The following ENTPD6 variants were observed in gnomAD, a reference collection of about 807,000 sequenced individuals.
The protein encoded by ENTPD6 is CD39 antigen-like 2.
ENTPD6 carries 46 observed loss-of-function variants against 61.5 expected under a neutral mutation model. The ratio of observed to expected loss-of-function variants is 0.75; its 90% CI spans 0.59 to 0.96. The LOEUF (loss-of-function observed/expected upper bound fraction) is 0.96, where lower values mean the gene tolerates loss of function less well. ENTPD6 is among the 40% of genes least tolerant of loss of function. The pLI is 0.00. For missense variants in ENTPD6, 612 were observed against 629.0 expected (o/e 0.97, Z 0.29); for synonymous variants, 252 against 255.5 (o/e 0.99, Z 0.13).
intron 4 of ENTPD6, among the ~76,000 whole-genome samples, chr20:25,212,862 C>A (rs1185442920): frequency 2.6e-5 from 4 of 152,138 alleles, no homozygotes; most frequent in Admixed American, 2.6e-4. Context: ...CCCACCACCA[C>A]GCCCGGCTAA....
intron 7 of ENTPD6, 39 bp downstream of exon 7, chr20:25,215,750 G>A (rs2092276792): frequency 6.2e-7 from 1 of 1,608,562 alleles, no homozygotes; most frequent in Admixed American, 1.7e-5. Context: ...GCCGATCACA[G>A]ACACCTGCGG....
At chr20:25,216,592 G>A (rs577560558) in intron 7 of ENTPD6, 56 bp from the exon 8 acceptor site, 1 of 1,356,248 alleles carries the variant, frequency 7.4e-7, no homozygotes, top group Non-Finnish European at 1.0e-6. Flanking sequence ...TGGCTTTTCT[G>A]CTGTTCTCGC....
chr20:25,219,249 G>A (rs939860954), intron 10 of ENTPD6, among the ~76,000 whole-genome samples: 16 of 152,230 alleles, frequency 1.1e-4, no homozygotes, highest in Non-Finnish European at 2.1e-4. Context: ...GAGGGAACCA[G>A]GGAACTGCAC....
chr20:25,218,689 C>T (rs752271801), intron 10 of ENTPD6, 75 bp downstream of exon 10: 11 of 1,424,898 alleles, frequency 7.7e-6, no homozygotes, highest in Admixed American at 2.1e-5. Flanking sequence ...AGGAGCCCCT[C>T]GGGAGGGCAC....
At chr20:25,201,546 T>G (rs1489442705) in intron 1 of ENTPD6, among the ~76,000 whole-genome samples, 2 of 152,202 alleles carry the variant, frequency 1.3e-5, no homozygotes, top group Non-Finnish European at 2.9e-5. Context: ...GTTTTTGACT[T>G]AAAGTCTCTT....
chr20:25,218,749 G>C, intron 10 of ENTPD6, 135 bp downstream of exon 10: 3 of 904,612 alleles, frequency 3.3e-6, no homozygotes, highest in East Asian at 5.4e-5. Context: ...CCCCACTGCT[G>C]TCCCGCTGCA....
Position 25,213,975 on chromosome 20 carries a change from G to A in ENTPD6, c.597+569G>A, listed in dbSNP as rs76171326. 9.0e-3 allele frequency among the ~76,000 whole-genome samples: 1,370 copies of A among 152,302 alleles called. 14 individuals carry two copies. Among genetic ancestry groups the A allele is most frequent in the Non-Finnish European group, 0.015 (992 of 68,010 alleles). On this transcript the variant is annotated intron_variant, in intron 5 of 14. Coordinates refer to ENST00000376652, the MANE Select transcript of ENTPD6 (RefSeq NM_001247.5). Reference sequence around the variant, plus strand: ...AAAAAAATAAATAAAAGCGCATGGTGCCTTCAAGGGACTTGATCCTGGTCA... The same window carrying A: ...AAAAAAATAAATAAAAGCGCATGGTACCTTCAAGGGACTTGATCCTGGTCA...
chr20:25,221,430 A>T (rs772262445), intron 11 of ENTPD6, 97 bp downstream of exon 11: 1 of 921,240 alleles, frequency 1.1e-6, no homozygotes, highest in East Asian at 2.5e-5. Context: ...GTTCCACGGG[A>T]GGCTCCTGAC....
In ENTPD6 at chr20:25,225,877, A is replaced by AG; in HGVS notation, c.*285dup. The AG allele has an allele frequency of 2.7e-6, 1 of 364,766 alleles. No individual in the cohort carries two copies. Among genetic ancestry groups the AG allele is most frequent in the East Asian group, 4.9e-5 (1 of 20,566 alleles). 22.6% of individuals were successfully genotyped at this position (364,766 alleles called of 1,614,324 possible). ...AGGACAGAACCACAGGCACACACTG[A>AG]GGGGGCAGTGTGGCTCCCTGCCTGT... On this transcript the variant is annotated 3_prime_UTR_variant, in exon 15 of 15. Coordinates refer to ENST00000376652, the MANE Select transcript of ENTPD6 (RefSeq NM_001247.5).
chr20:25,223,052 G>T, intron 12 of ENTPD6, 74 bp downstream of exon 12: 1 of 1,526,224 alleles, frequency 6.6e-7, no homozygotes. Context: ...TGTGCTCCCC[G>T]AGGCAGAGGG....
chr20:25,218,573 C>T lies in ENTPD6; in HGVS notation c.902C>T (p.Ser301Leu), dbSNP rs1325669397. The change falls in exon 10 of 15, where the codon TCG becomes TTG. Residue 301 changes from serine to leucine, a missense_variant. By Grantham distance (145) the Ser-to-Leu change is moderately radical. Coordinates refer to ENST00000376652, the MANE Select transcript of ENTPD6 (RefSeq NM_001247.5). ...SYSYLGLGLM[S>L]ARLAILGGVE... ...AGCTACCTCGGGCTCGGGCTGATGTCGGCACGCCTGGCGATCCTGGGCGGC... is the reference window on the plus strand; with the variant it reads ...AGCTACCTCGGGCTCGGGCTGATGTTGGCACGCCTGGCGATCCTGGGCGGC... The T allele has an allele frequency of 2.5e-6, 4 of 1,608,112 alleles. No homozygotes were observed. Among genetic ancestry groups the T allele is most frequent in the Admixed American group, 1.7e-5 (1 of 59,584 alleles).
At chr20:25,208,757 T>A (rs1057361216) in intron 3 of ENTPD6, among the ~76,000 whole-genome samples, 7 of 152,222 alleles carry the variant, frequency 4.6e-5, no homozygotes, top group Non-Finnish European at 7.3e-5. Context: ...TAAATTCATT[T>A]CAGAATCAAG....
At chr20:25,211,336 T>C (rs2091945982) in intron 4 of ENTPD6, among the ~76,000 whole-genome samples, 1 of 152,230 alleles carries the variant, frequency 6.6e-6, no homozygotes, top group South Asian at 2.1e-4. Flanking sequence ...AATAAGCTCC[T>C]AGGATTTTTA....
intron 3 of ENTPD6, among the ~76,000 whole-genome samples, chr20:25,208,435 A>C (rs796254985): frequency 1.4e-4 from 22 of 152,248 alleles, no homozygotes; most frequent in African/African-American, 5.3e-4. Flanking sequence ...AACAAGAGTG[A>C]AACTTGATCT....
At chr20:25,213,146 G>A in intron 4 of ENTPD6, 117 bp from the exon 5 acceptor site, 1 of 1,187,540 alleles carries the variant, frequency 8.4e-7, no homozygotes, top group Non-Finnish European at 1.2e-6. Context: ...TCTAGCCTGG[G>A]CAACACAGTG....
At chr20:25,204,446 G>T (rs1446554708) in intron 1 of ENTPD6, among the ~76,000 whole-genome samples, 4 of 150,544 alleles carry the variant, frequency 2.7e-5, no homozygotes, top group African/African-American at 9.8e-5. Flanking sequence ...TGCCTTGTTG[G>T]CTCCATTAAA....
In ENTPD6 at chr20:25,221,270, C is replaced by G; in HGVS notation, c.982C>G (p.Pro328Ala). Reference sequence around the variant, plus strand: ...GGAGTTGGTCAGCCCTTGCTTGTCTCCCAGTTTCAAAGGAGAGTGGGAACA... The same window carrying G: ...GGAGTTGGTCAGCCCTTGCTTGTCTGCCAGTTTCAAAGGAGAGTGGGAACA... ...GKELVSPCLS[P>A]SFKGEWEHAE... Residue 328 changes from proline to alanine, a missense_variant, in exon 11 of 15, where the codon CCC (proline) becomes GCC (alanine). Transcript: ENST00000376652. 6.2e-7 allele frequency: 1 copy of G among 1,614,152 alleles called. No individual in the cohort carries two copies. The highest frequency in any genetic ancestry group is 1.7e-5 in the Admixed American group (1 of 60,022).
At chr20:25,205,302 C>T (rs889221845) in intron 1 of ENTPD6, among the ~76,000 whole-genome samples, 1 of 151,822 alleles carries the variant, frequency 6.6e-6, no homozygotes, top group Non-Finnish European at 1.5e-5. Flanking sequence ...TGGGGGCATC[C>T]GGGAAGGGGG....
At position 25,207,129 on chromosome 20, in the gene ENTPD6, G is replaced by T. The variant is rs1225569056; in HGVS notation, c.108G>T (p.Gly36=). ...GGATGAGAAAAATATCCAACCACGG[G>T]AGCCTGCGGGTGGCGAAGGTGGCAT... The part of the protein sequence containing the change: ...QTRMRKISNH[G]SLRVAKVAYP... The change falls in exon 3 of 15, where the codon GGG becomes GGT. Residue 36 remains glycine (G), a synonymous_variant. Coordinates refer to ENST00000376652, the MANE Select transcript of ENTPD6 (RefSeq NM_001247.5). 1 of 1,613,820 alleles carries T rather than the reference G, an allele frequency of 6.2e-7. No individual in the cohort carries two copies. The highest frequency in any genetic ancestry group is 1.1e-5 in the South Asian group (1 of 91,072).
Sources: allele counts gnomAD v4.1 joint callset (sites outside exome capture counted in the v4.1 genomes callset), GRCh38; gene constraint gnomAD v4.1.1; transcripts MANE v1.5; gene names NCBI Gene and HGNC (gene_info 2026-07-23, HGNC 2026-07-21).